UST: variants seen among roughly 807,000 people sequenced by gnomAD.
UST encodes uronyl 2-sulfotransferase.
A neutral mutation model predicts 45.6 loss-of-function variants in UST; 21 were observed. The ratio of observed to expected loss-of-function variants is 0.46; its 90% CI spans 0.33 to 0.66. The LOEUF (loss-of-function observed/expected upper bound fraction) is 0.66, where lower values mean the gene tolerates loss of function less well. UST is among the 30% of genes least tolerant of loss of function. UST has a pLI of 0.02. For missense variants in UST, 463 were observed against 512.4 expected (o/e 0.90, Z 0.93); for synonymous variants, 215 against 200.6 (o/e 1.07, Z -0.61).
intron 7 of UST, among the ~76,000 whole-genome samples, chr6:149,062,650 G>T (rs776636439): frequency 2.6e-5 from 4 of 152,220 alleles, no homozygotes; most frequent in African/African-American, 4.8e-5. Flanking sequence ...GCAAGGAGAA[G>T]TGGGTGGTTA....
At chr6:149,047,447 CAG>C (rs1182905618) in intron 7 of UST, among the ~76,000 whole-genome samples, 1 of 152,174 alleles carries the variant, frequency 6.6e-6, no homozygotes, top group Admixed American at 6.5e-5. Context: ...GCTCATTAGT[CAG>C]AGTCAAGGAA....
intron 3 of UST, among the ~76,000 whole-genome samples, chr6:148,946,671 G>A (rs1056658270): frequency 9.3e-5 from 14 of 150,680 alleles, no homozygotes; most frequent in East Asian, 2.0e-4. Context: ...AAAATTAGCC[G>A]GGCGTGGTGG....
chr6:148,938,340 G>GA lies in UST; in HGVS notation c.292-2932dup, dbSNP rs994734839. ...TCAAGAAACAAGGTATTACTCATAA[G>GA]AAAAAAATACATAATGGAAAAATTG... On this transcript the variant is annotated intron_variant, in intron 2 of 7. Coordinates refer to ENST00000367463, the MANE Select transcript of UST (RefSeq NM_005715.3). Among the ~76,000 whole-genome samples the GA allele has an allele frequency of 3.3e-5, 5 of 152,156 alleles. No individual in the cohort carries two copies. In the South Asian group the frequency reaches 6.2e-4, roughly 19 times the overall value.
chr6:149,052,561 T>C (rs977480801), intron 7 of UST, among the ~76,000 whole-genome samples: 11 of 151,168 alleles, frequency 7.3e-5, no homozygotes, highest in African/African-American at 2.7e-4. Context: ...CCCAGGTGAC[T>C]TGCAACCCCG....
Position 148,870,104 on chromosome 6 carries a change from TCACACACACACACACACACA to T in UST, c.248-16863_248-16844del, listed in dbSNP as rs60229120. Among the ~76,000 whole-genome samples the T allele has an allele frequency of 2.1e-5, 3 of 141,550 alleles. No individual in the cohort carries two copies. The East Asian group carries it at 6.2e-4, about 29-fold the overall frequency. The allele number at this position is 141,550 out of a possible 152,430, so 92.9% of individuals were successfully genotyped here. A position where few individuals can be genotyped will look rare whatever the true frequency, so the allele number is the denominator to read the frequency against. On this transcript the variant is annotated intron_variant, in intron 1 of 7. Coordinates refer to ENST00000367463, the MANE Select transcript of UST (RefSeq NM_005715.3). ...CCCCCAGCTTCACAGTGGTAATGTT[TCACACACACACACACACACA>T]CACACACACACACACACAGTGGCAG... is the stretch of plus-strand genomic sequence containing the variant.
chr6:148,775,877 C>T (rs1776524394), intron 1 of UST, among the ~76,000 whole-genome samples: 1 of 152,102 alleles, frequency 6.6e-6, no homozygotes, highest in Non-Finnish European at 1.5e-5. Flanking sequence ...GGAAATCTGC[C>T]CGCCTCAGCC....
intron 1 of UST, among the ~76,000 whole-genome samples, chr6:148,811,794 C>T (rs1777261188): frequency 6.6e-6 from 1 of 152,174 alleles, no homozygotes; most frequent in Admixed American, 6.5e-5. Flanking sequence ...TTGGAAGCTG[C>T]GGGTCTTCAC....
chr6:148,758,594 T>A (rs1776141833), intron 1 of UST, among the ~76,000 whole-genome samples: 1 of 152,174 alleles, frequency 6.6e-6, no homozygotes, highest in Admixed American at 6.5e-5. Flanking sequence ...CCACGTCCAG[T>A]AGTACGCCCA....
chr6:148,994,947 T>C (rs900437616), intron 5 of UST, among the ~76,000 whole-genome samples: 1 of 152,158 alleles, frequency 6.6e-6, no homozygotes, highest in Non-Finnish European at 1.5e-5. Flanking sequence ...AATGCTATCT[T>C]GTAGTCTGTA....
intron 5 of UST, among the ~76,000 whole-genome samples, chr6:148,972,448 C>T (rs1780934783): frequency 6.6e-6 from 1 of 152,162 alleles, no homozygotes; most frequent in African/African-American, 2.4e-5. Flanking sequence ...TTGGCAGGAG[C>T]GGAGGGCTTA....
chr6:148,824,686 T>C (rs1777535271), intron 1 of UST, among the ~76,000 whole-genome samples: 1 of 150,582 alleles, frequency 6.6e-6, no homozygotes, highest in Non-Finnish European at 1.5e-5. Flanking sequence ...TTTTTTTTTT[T>C]TTTTTATTAT....
chr6:148,901,133 G>C (rs1429063914), intron 2 of UST, among the ~76,000 whole-genome samples: 2 of 152,152 alleles, frequency 1.3e-5, no homozygotes, highest in Non-Finnish European at 2.9e-5. Flanking sequence ...ATGAGGACAT[G>C]GGCATCTTTG....
At chr6:148,875,872 C>T (rs970336167) in intron 1 of UST, among the ~76,000 whole-genome samples, 9 of 152,158 alleles carry the variant, frequency 5.9e-5, no homozygotes, top group Admixed American at 1.3e-4. Flanking sequence ...GAGGAAGTAG[C>T]GACCATTTAT....
chr6:148,929,086 A>G (rs1467516788), intron 2 of UST, among the ~76,000 whole-genome samples: 1 of 152,200 alleles, frequency 6.6e-6, no homozygotes, highest in Non-Finnish European at 1.5e-5. Context: ...TAGATGAGGA[A>G]TGGAGATTTT....
chr6:148,979,936 T>C (rs1429443486), intron 5 of UST, among the ~76,000 whole-genome samples: 1 of 152,208 alleles, frequency 6.6e-6, no homozygotes, highest in Non-Finnish European at 1.5e-5. Flanking sequence ...CTTTTACTTT[T>C]ATGTGCAAAG....
At chr6:148,901,771 C>A (rs1274540602) in intron 2 of UST, among the ~76,000 whole-genome samples, 1 of 152,114 alleles carries the variant, frequency 6.6e-6, no homozygotes, top group South Asian at 2.1e-4. Context: ...GTTGGCCAGG[C>A]TGGTCTCGAA....
In UST at chr6:148,953,967, G is replaced by C. The variant is rs1309005840; in HGVS notation, c.527+16G>C. 10 of 1,570,988 alleles carry C rather than the reference G, an allele frequency of 6.4e-6. No individual in the cohort carries two copies. The highest frequency in any genetic ancestry group is 8.7e-6 in the Non-Finnish European group (10 of 1,153,590). On this transcript the variant is annotated intron_variant, in intron 4 of 7. Transcript: ENST00000367463. ...ACTTCTCAAGGTAAGACATTTTCCA[G>C]TTTAATGGTTCTTTCATTTTCTTCT...
chr6:148,996,280 A>G (rs981867628), intron 5 of UST, among the ~76,000 whole-genome samples: 4 of 152,172 alleles, frequency 2.6e-5, no homozygotes, highest in Non-Finnish European at 5.9e-5. Flanking sequence ...GTGCAGTGGC[A>G]TGATCTTGGC....
chr6:148,763,214 T>C (rs1215689935), intron 1 of UST, among the ~76,000 whole-genome samples: 1 of 152,350 alleles, frequency 6.6e-6, no homozygotes, highest in East Asian at 1.9e-4. Context: ...TGTGAGATGG[T>C]ATCTCATTGT....
Sources: allele counts gnomAD v4.1 joint callset (sites outside exome capture counted in the v4.1 genomes callset), GRCh38; gene constraint gnomAD v4.1.1; transcripts MANE v1.5; gene names NCBI Gene and HGNC (gene_info 2026-07-23, HGNC 2026-07-21).